ZBTB39: variants seen among roughly 807,000 people sequenced by gnomAD.
ZBTB39 encodes the protein zinc finger and BTB domain-containing protein 39.
A neutral mutation model predicts 39.4 loss-of-function variants in ZBTB39; 25 were observed. The observed-to-expected ratio is 0.63, with a 90% confidence interval of 0.46 to 0.89. The LOEUF (loss-of-function observed/expected upper bound fraction) is 0.89, where lower values mean the gene tolerates loss of function less well. ZBTB39 is among the 40% of genes least tolerant of loss of function. The pLI is 0.00. For missense variants in ZBTB39, 891 were observed against 909.7 expected (o/e 0.98, Z 0.26); for synonymous variants, 373 against 359.6 (o/e 1.04, Z -0.42).
At chr12:57,005,101 C>A in intron 1 of ZBTB39, 140 bp from the exon 2 acceptor site, 35 of 542,846 alleles carry the variant, frequency 6.4e-5, no homozygotes, top group East Asian at 9.8e-5. Context: ...AGAGTTCCTC[C>A]ATTATGACAA....
At position 57,004,109 on chromosome 12, in the gene ZBTB39, G is replaced by A. The variant is rs763474187; in HGVS notation, c.809C>T (p.Thr270Ile). 2 of 1,614,090 alleles carry A rather than the reference G, an allele frequency of 1.2e-6. No homozygotes were observed. The highest frequency in any genetic ancestry group is 1.7e-6 in the Non-Finnish European group (2 of 1,180,052). Residue 270 changes from threonine to isoleucine, a missense_variant, in exon 2 of 2, where the codon ACC (threonine) becomes ATC (isoleucine). Thr to Ile is a moderately conservative substitution (Grantham distance 89). Coordinates refer to ENST00000300101, the MANE Select transcript of ZBTB39 (RefSeq NM_014830.3). ...GCTCAGACAGGAGTTGGTCCCAGTG[G>A]TAATGTCTACTGCATTGTCAGGGGT... ...FLTPDNAVDI[T>I]TGTNSCLSNS...
In ZBTB39 at chr12:57,002,658, CACAGA is replaced by C; in HGVS notation, c.*116_*120del. Reference sequence around the variant, plus strand: ...TTCTTCTTTTCTTCTTTAAACACAACACAGAACAGAATTCCTACCAAGGCAAAATT... The same window carrying C: ...TTCTTCTTTTCTTCTTTAAACACAACACAGAATTCCTACCAAGGCAAAATT... On this transcript the variant is annotated 3_prime_UTR_variant, in exon 2 of 2. Transcript: ENST00000300101. 1 of 929,380 alleles carries C rather than the reference CACAGA, an allele frequency of 1.1e-6. No individual in the cohort carries two copies. The highest frequency in any genetic ancestry group is 1.7e-5 in the South Asian group (1 of 60,432). The allele number at this position is 929,380 out of a possible 1,614,324, so 57.6% of individuals were successfully genotyped here.
Position 57,004,934 on chromosome 12 carries a change from A to C in ZBTB39, c.-17T>G. On this transcript the variant is annotated 5_prime_UTR_variant, in exon 2 of 2. Transcript: ENST00000300101. ...CATGCCCATCTTAGCAGCTCCTATGAAATTACCTCCTTATCAGCACAGTTA... is the reference window on the plus strand; with the variant it reads ...CATGCCCATCTTAGCAGCTCCTATGCAATTACCTCCTTATCAGCACAGTTA... 7 of 1,567,952 alleles carry C rather than the reference A, an allele frequency of 4.5e-6. No individual in the cohort carries two copies. The highest frequency in any genetic ancestry group is 6.1e-6 in the Non-Finnish European group (7 of 1,153,754).
rs1467911716 is a variant in ZBTB39, at chr12:57,003,310, G to A, written c.1608C>T (p.Ala536=). Residue 536 remains alanine (A), a synonymous_variant, in exon 2 of 2, where the codon GCC becomes GCT. Coordinates refer to ENST00000300101, the MANE Select transcript of ZBTB39 (RefSeq NM_014830.3). The surrounding 1 kb of genome is among the most constrained non-coding windows in gnomAD (Gnocchi z 4.8). ...HMAVHQSLED[A]LFHCRLCSQS... ...GGCTGCACAAGCGGCAGTGGAAGAG[G>A]GCGTCTTCCAGACTTTGGTGCACAG... The A allele has an allele frequency of 3.1e-6, 5 of 1,614,054 alleles. No individual in the cohort carries two copies. Among genetic ancestry groups the A allele is most frequent in the Admixed American group, 1.7e-5 (1 of 60,010 alleles).
In ZBTB39 at chr12:57,003,615, G is replaced by A. The variant is rs756529690; in HGVS notation, c.1303C>T (p.Pro435Ser). 3 of 1,614,012 alleles carry A rather than the reference G, an allele frequency of 1.9e-6. No homozygotes were observed. Among genetic ancestry groups the A allele is most frequent in the Non-Finnish European group, 2.5e-6 (3 of 1,179,936 alleles). Reference sequence around the variant, plus strand: ...AAGAGACCCAGCTTCCCTGGCAGGGGATCGTTGGGGTGGACAATGATGTTG... The same window carrying A: ...AAGAGACCCAGCTTCCCTGGCAGGGAATCGTTGGGGTGGACAATGATGTTG... ...ENNIIVHPND[P>S]LPGKLGLFSG... is the part of the protein sequence containing the mutation. The change falls in exon 2 of 2, where the codon CCC becomes TCC. Residue 435 changes from proline to serine, a missense_variant. Physicochemically the swap from Pro to Ser is moderately conservative, Grantham distance 74. Transcript: ENST00000300101. This position sits in a 1 kb window ranked among gnomAD's most constrained non-coding sequence, Gnocchi z 4.8.
chr12:57,002,520 A>C lies in ZBTB39; in HGVS notation c.*259T>G, dbSNP rs1956215439. 2 of 496,180 alleles carry C rather than the reference A, an allele frequency of 4.0e-6. No individual in the cohort carries two copies. Among genetic ancestry groups the C allele is most frequent in the Non-Finnish European group, 7.2e-6 (2 of 279,272 alleles). The allele number at this position is 496,180 out of a possible 1,614,324, so 30.7% of individuals were successfully genotyped here. Reference sequence around the variant, plus strand: ...CACCAACTGCTTGACTAGATCCCAAAACCAGCCTCAAAAGAATGAAAAACA... The same window carrying C: ...CACCAACTGCTTGACTAGATCCCAACACCAGCCTCAAAAGAATGAAAAACA... On this transcript the variant is annotated 3_prime_UTR_variant, in exon 2 of 2. Coordinates refer to ENST00000300101, the MANE Select transcript of ZBTB39 (RefSeq NM_014830.3).
intron 1 of ZBTB39, 39 bp from the exon 2 acceptor site, chr12:57,005,000 A>C: frequency 7.0e-7 from 1 of 1,425,080 alleles, no homozygotes; most frequent in Non-Finnish European, 9.5e-7. Flanking sequence ...GGCCAAACAC[A>C]TCCGTGCAAA....
rs994528281 is a variant in ZBTB39, at chr12:57,000,381, A to T, written c.*2398T>A. 1 of 152,610 alleles carries T rather than the reference A, an allele frequency of 6.6e-6. No homozygotes were observed. The highest frequency in any genetic ancestry group is 2.4e-5 in the African/African-American group (1 of 41,432). The allele number at this position is 152,610 out of a possible 1,614,324, so 9.5% of individuals were successfully genotyped here. On this transcript the variant is annotated 3_prime_UTR_variant, in exon 2 of 2. Transcript: ENST00000300101. ...CTTTTTGGTTTACTGGCAAAAAGGG[A>T]AAACTTCACAGTTTCAGGTTAAGTA...
chr12:57,003,241 C>G lies in ZBTB39; in HGVS notation c.1677G>C (p.Gln559His), dbSNP rs771283093. The part of the protein sequence containing the change: ...SEAAYRYHVS[Q>H]HKCNSGLDAR... ...CATCAAGGCCACTGTTGCATTTGTG[C>G]TGGCTGACGTGGTAGCGATAGGCAG... The change falls in exon 2 of 2, where the codon CAG becomes CAC. Residue 559 changes from glutamine to histidine, a missense_variant. Transcript: ENST00000300101. This position sits in a 1 kb window ranked among gnomAD's most constrained non-coding sequence, Gnocchi z 4.8. The G allele has an allele frequency of 6.2e-7, 1 of 1,614,092 alleles. No homozygotes were observed.
rs1419959576 is a variant in ZBTB39 at position 57,002,784 on chromosome 12, T to G, written c.2134A>C (p.Ser712Arg). The G allele has an allele frequency of 1.2e-6, 2 of 1,611,704 alleles. No homozygotes were observed. Among genetic ancestry groups the G allele is most frequent in the Non-Finnish European group, 1.7e-6 (2 of 1,177,980 alleles). The change falls in exon 2 of 2, where the codon AGT (serine) becomes CGT (arginine). Residue 712 changes from serine to arginine, a missense_variant. Ser to Arg is a moderately radical substitution (Grantham distance 110). Transcript: ENST00000300101. ...HSKEADKNPDS is the reference protein window; with the variant it reads ...HSKEADKNPDR Reference sequence around the variant, plus strand: ...GTGGCTCTGCCGGGACCCAGTCAACTGTCCGGGTTCTTATCCGCCTCTTTG... The same window carrying G: ...GTGGCTCTGCCGGGACCCAGTCAACGGTCCGGGTTCTTATCCGCCTCTTTG...
In ZBTB39 at chr12:57,001,469, G is replaced by A. The variant is rs1956209671; in HGVS notation, c.*1310C>T. ...ACCTCACAAGTATGCAAGATCGAGG[G>A]CCCTATCCCTCAAGACTTCTTTGGG... is the stretch of plus-strand genomic sequence containing the variant. On this transcript the variant is annotated 3_prime_UTR_variant, in exon 2 of 2. Transcript: ENST00000300101. 1 of 152,568 alleles carries A rather than the reference G, an allele frequency of 6.6e-6. No individual in the cohort carries two copies. Among genetic ancestry groups the A allele is most frequent in the African/African-American group, 2.4e-5 (1 of 41,412 alleles). 9.5% of individuals were successfully genotyped at this position (152,568 alleles called of 1,614,324 possible). A position where few individuals can be genotyped will look rare whatever the true frequency, so the allele number is the denominator to read the frequency against.
At position 57,004,744 on chromosome 12, in the gene ZBTB39, G is replaced by C. The variant is rs1956235282; in HGVS notation, c.174C>G (p.Leu58=). 1.9e-6 allele frequency: 3 copies of C among 1,614,184 alleles called. No individual in the cohort carries two copies. Among genetic ancestry groups the C allele is most frequent in the Non-Finnish European group, 1.7e-6 (2 of 1,179,992 alleles). ...LACAAGYFQN[L]FLNTGLDAAR... ...CAGCATCAAGCCCAGTATTCAGGAAGAGGTTCTGGAAGTAGCCAGCTGCAC... is the reference window on the plus strand; with the variant it reads ...CAGCATCAAGCCCAGTATTCAGGAACAGGTTCTGGAAGTAGCCAGCTGCAC... Residue 58 remains leucine (L), a synonymous_variant, in exon 2 of 2, where the codon CTC becomes CTG. Coordinates refer to ENST00000300101, the MANE Select transcript of ZBTB39 (RefSeq NM_014830.3).
rs1348549497 is a variant in ZBTB39, at chr12:57,002,917, C to T, written c.2001G>A (p.Gly667=). 1 of 1,614,110 alleles carries T rather than the reference C, an allele frequency of 6.2e-7. No homozygotes were observed. The highest frequency in any genetic ancestry group is 8.5e-7 in the Non-Finnish European group (1 of 1,180,052). The change falls in exon 2 of 2, where the codon GGG becomes GGA. Residue 667 remains glycine, a synonymous_variant. Transcript: ENST00000300101. ...TGAGGTTAAGGGTGGAACTGTAGTG[C>T]CCACAGACTGTGCAGCGGTACATGA... The part of the protein sequence containing the change: ...GALMYRCTVC[G]HYSSTLNLMS...
chr12:57,003,794 T>C lies in ZBTB39; in HGVS notation c.1124A>G (p.Lys375Arg), dbSNP rs143576239. 6.2e-6 allele frequency: 10 copies of C among 1,614,226 alleles called. No homozygotes were observed. In the African/African-American group the frequency reaches 1.2e-4, roughly 19 times the overall value. Residue 375 changes from lysine (K) to arginine (R), a missense_variant, in exon 2 of 2, where the codon AAG (lysine) becomes AGG (arginine). Transcript: ENST00000300101. The surrounding 1 kb of genome is among the most constrained non-coding windows in gnomAD (Gnocchi z 4.8). ...DHVDLLTGNC[K>R]VCETHFQDRN... ...GTCCTGGAAGTGGGTCTCGCAGACC[T>C]TGCAGTTGCCCGTCAGCAGGTCCAC...
In ZBTB39 at chr12:57,002,635, C is replaced by T; in HGVS notation, c.*144G>A. On this transcript the variant is annotated 3_prime_UTR_variant, in exon 2 of 2. Coordinates refer to ENST00000300101, the MANE Select transcript of ZBTB39 (RefSeq NM_014830.3). ...AGTAACAGCTTATGTGCTATTTCTT[C>T]TTCTTTTCTTCTTTAAACACAACAC... is the stretch of plus-strand genomic sequence containing the variant. 1 of 765,842 alleles carries T rather than the reference C, an allele frequency of 1.3e-6. No homozygotes were observed. Among genetic ancestry groups the T allele is most frequent in the Non-Finnish European group, 2.1e-6 (1 of 480,610 alleles). The allele number at this position is 765,842 out of a possible 1,614,324, so 47.4% of individuals were successfully genotyped here.
chr12:57,003,106 CT>C lies in ZBTB39; in HGVS notation c.1811del (p.Lys604SerfsTer49). On this transcript the variant is annotated frameshift_variant, in exon 2 of 2. Transcript: ENST00000300101. LOFTEE classifies it high-confidence loss of function. The surrounding 1 kb of genome is among the most constrained non-coding windows in gnomAD (Gnocchi z 4.8). ...TTTTGCCACAGACCTTGCAGCTATA[CT>C]TGCTGTTCCCAGGTTGGCCCTGCAG... The part of the protein sequence containing the change: ...LALQGQPGNS[K>X]YSCKVCGKRF... 1.2e-6 allele frequency: 2 copies of C among 1,614,188 alleles called. No homozygotes were observed. The highest frequency in any genetic ancestry group is 1.7e-6 in the Non-Finnish European group (2 of 1,180,042).
At position 57,002,845 on chromosome 12, in the gene ZBTB39, GAA is replaced by G; in HGVS notation, c.2071_2072del (p.Phe691HisfsTer17). The G allele has an allele frequency of 6.2e-7, 1 of 1,614,232 alleles. No individual in the cohort carries two copies. The highest frequency in any genetic ancestry group is 1.1e-5 in the South Asian group (1 of 91,088). On this transcript the variant is annotated frameshift_variant, in exon 2 of 2. Coordinates refer to ENST00000300101, the MANE Select transcript of ZBTB39 (RefSeq NM_014830.3). LOFTEE classifies it high-confidence loss of function. ...TGTACATGAAGGTCTGCTCGATGGT[GAA>G]GTCAGGGGGGAGGCTGCCTTTGTGC... ...GVHKGSLPPDFTIEQTFMYII... is the reference protein window; with the variant it reads ...GVHKGSLPPDXTIEQTFMYII...
chr12:57,006,113 G>A (rs1377601295), intron 1 of ZBTB39, among the ~76,000 whole-genome samples: 2 of 152,154 alleles, frequency 1.3e-5, no homozygotes, highest in Non-Finnish European at 2.9e-5. Flanking sequence ...CTCCGGAGTC[G>A]CATCTGGGAG....
chr12:57,003,392 G>A lies in ZBTB39; in HGVS notation c.1526C>T (p.Ser509Phe), dbSNP rs200578946. The change falls in exon 2 of 2, where the codon TCC (serine) becomes TTC (phenylalanine). Residue 509 changes from serine to phenylalanine, a missense_variant. By Grantham distance (155) the Ser-to-Phe change is radical (BLOSUM62 -2). Transcript: ENST00000300101. The surrounding 1 kb of genome is among the most constrained non-coding windows in gnomAD (Gnocchi z 4.8). ...AAAGCTGTTCGCACAGACAGAACAGGAGAAGACTGAGATGCCGAGATGGGA... is the reference window on the plus strand; with the variant it reads ...AAAGCTGTTCGCACAGACAGAACAGAAGAAGACTGAGATGCCGAGATGGGA... The part of the protein sequence containing the change: ...TLSHLGISVF[S>F]CSVCANSFVD... 1.6e-4 allele frequency: 256 copies of A among 1,614,094 alleles called. No individual in the cohort carries two copies. Among genetic ancestry groups the A allele is most frequent in the Non-Finnish European group, 1.7e-6 (2 of 1,180,026 alleles).
Sources: gnomAD v4.1 joint callset for allele counts (sites outside exome capture counted in the v4.1 genomes callset) on GRCh38, gnomAD v4.1.1 for gene constraint, Gnocchi (gnomAD v3.1) non-coding constraint, MANE v1.5 for transcripts, NCBI Gene and HGNC (gene_info 2026-07-23, HGNC 2026-07-21) for gene names.